Variants in CFAP47 observed in about 807,000 individuals in gnomAD.
The protein encoded by CFAP47 is cilia- and flagella-associated protein 47.
A neutral mutation model predicts 148.1 loss-of-function variants in CFAP47; 29 were observed. The observed-to-expected ratio is 0.20, with a 90% CI of 0.15 to 0.27. The LOEUF is 0.27. Among genes scored for constraint, CFAP47 ranks in the 10% least tolerant of loss-of-function variants. CFAP47 has a pLI of 1.00. For synonymous variants in CFAP47, 664 were observed against 577.3 expected, an observed-to-expected ratio of 1.15 and a Z score of -2.15; for missense variants, 1,872 against 1,697.5, an observed-to-expected ratio of 1.10 and a Z score of -1.81.
At chrX:36,026,017 T>C (rs1351102388) in intron 22 of CFAP47, among the ~76,000 whole-genome samples, 2 of 111,958 alleles carry the variant, frequency 1.8e-5, no homozygotes, top group Non-Finnish European at 3.8e-5. Context: ...AAATATGTAA[T>C]ACTTTATTAG....
chrX:36,261,332 T>TTTTTTTTTTTTTTTTTG, intron 49 of CFAP47, among the ~76,000 whole-genome samples: 1 of 94,552 alleles, frequency 1.1e-5, no homozygotes, highest in Non-Finnish European at 2.1e-5. Flanking sequence ...TTTTTTTTTT[T>TTTTTTTTTTTTTTTTTG]TTTTTTTTTT....
At chrX:36,366,333 T>G (rs782180841) in intron 61 of CFAP47, among the ~76,000 whole-genome samples, 1 of 111,777 alleles carries the variant, frequency 8.9e-6, no homozygotes, top group Non-Finnish European at 1.9e-5. Context: ...TTTGTCATAG[T>G]CAAATGCTTT....
intron 19 of CFAP47, 103 bp downstream of exon 19, chrX:35,997,492 T>G (rs2146689149): frequency 3.9e-6 from 1 of 256,363 alleles, no homozygotes; most frequent in South Asian, 2.5e-4. Context: ...TTTTCCAATG[T>G]ATAATTTTTA....
chrX:36,094,815 T>A (rs1405230087), intron 30 of CFAP47, among the ~76,000 whole-genome samples: 2 of 111,369 alleles, frequency 1.8e-5, no homozygotes, highest in Non-Finnish European at 3.8e-5. Flanking sequence ...ATCATATCAT[T>A]TGCAAACAAG....
At chrX:35,944,566 A>G (rs1381656152) in intron 3 of CFAP47, among the ~76,000 whole-genome samples, 1 of 111,456 alleles carries the variant, frequency 9.0e-6, no homozygotes, top group East Asian at 2.8e-4. Flanking sequence ...GAATTTTAAA[A>G]AATCATAAGA....
At chrX:36,293,480 C>T (rs1310400960) in intron 51 of CFAP47, among the ~76,000 whole-genome samples, 3 of 112,147 alleles carry the variant, frequency 2.7e-5, no homozygotes, top group African/African-American at 9.7e-5. Context: ...CTTGTGATTC[C>T]TTCCTTTTTA....
chrX:36,135,776 C>A (rs1223502384), intron 33 of CFAP47, among the ~76,000 whole-genome samples: 1 of 111,282 alleles, frequency 9.0e-6, no homozygotes, highest in Non-Finnish European at 1.9e-5. Context: ...TAGGTGTGTA[C>A]CACAAAGAGT....
intron 50 of CFAP47, among the ~76,000 whole-genome samples, chrX:36,285,196 A>C (rs1556004305): frequency 9.0e-6 from 1 of 111,398 alleles, no homozygotes; most frequent in Admixed American, 9.6e-5. Flanking sequence ...CTTTCTCCTT[A>C]TACTAGATTC....
chrX:35,942,698 C>G (rs1407032490), intron 3 of CFAP47, among the ~76,000 whole-genome samples: 2 of 111,534 alleles, frequency 1.8e-5, no homozygotes, highest in East Asian at 2.8e-4. Flanking sequence ...GTTCTAAAAT[C>G]TCACCAAATT....
chrX:36,081,536 T>C (rs1236937966), intron 29 of CFAP47, among the ~76,000 whole-genome samples: 2 of 110,587 alleles, frequency 1.8e-5, no homozygotes, highest in Non-Finnish European at 1.9e-5. Flanking sequence ...CAGAGACACA[T>C]TGAAAAAAGA....
chrX:36,031,452 T>C (rs1284492580), intron 23 of CFAP47, 105 bp downstream of exon 23: 1 of 262,138 alleles, frequency 3.8e-6, no homozygotes, highest in Non-Finnish European at 6.7e-6. Flanking sequence ...CTATTCCCTA[T>C]GATTAATTTC....
intron 49 of CFAP47, among the ~76,000 whole-genome samples, chrX:36,267,927 G>A (rs1323970874): frequency 4.4e-5 from 5 of 112,708 alleles, no homozygotes; most frequent in African/African-American, 1.6e-4. Flanking sequence ...TTCCCAGGTA[G>A]CCTATGCTCT....
rs182153005 is a variant in CFAP47 at position 36,179,269 on chromosome X, T to C, written c.6027-76T>C. On this transcript the variant is annotated intron_variant, in intron 39 of 63. Coordinates refer to ENST00000378653, the MANE Select transcript of CFAP47 (RefSeq NM_001304548.2). Reference sequence around the variant, plus strand: ...ATATTTTGTGAATGATAGGAAAAAATAAAAGAAGAATGTTTTGTGGTTATC... The same window carrying C: ...ATATTTTGTGAATGATAGGAAAAAACAAAAGAAGAATGTTTTGTGGTTATC... 324 of 286,312 alleles carry C rather than the reference T, an allele frequency of 1.1e-3. 2 individuals are homozygous for C. Among genetic ancestry groups the C allele is most frequent in the Non-Finnish European group, 1.7e-3 (282 of 163,641 alleles). 23.6% of individuals were successfully genotyped at this position (286,312 alleles called of 1,213,427 possible).
rs782127809 is a variant in CFAP47 at position 36,255,327 on chromosome X, T to TG, written c.7444+3886dup. ...GGGAAACTGTTATGAGCAACACTTG[T>TG]GGGAAAAAAAGGTAAGAAAGTATGT... On this transcript the variant is annotated intron_variant, in intron 49 of 63. Transcript: ENST00000378653. Among the ~76,000 whole-genome samples the TG allele has an allele frequency of 6.3e-5, 7 of 111,969 alleles. No homozygotes were observed. In the South Asian group the frequency reaches 2.6e-3, roughly 41 times the overall value.
Position 36,285,733 on chromosome X carries a change from G to A in CFAP47, c.7686+7G>A. On this transcript the variant is annotated splice_region_variant and intron_variant, in intron 51 of 63. Transcript: ENST00000378653. ...AATGACATGTATTGCTCTGGTAAGT[G>A]CCCATTGCATGTTCATAGACTCTGT... 1 of 1,140,583 alleles carries A rather than the reference G, an allele frequency of 8.8e-7. No individual in the cohort carries two copies. The highest frequency in any genetic ancestry group is 2.7e-5 in the Admixed American group (1 of 36,919). 94.0% of individuals were successfully genotyped at this position (1,140,583 alleles called of 1,213,427 possible). A position where few individuals can be genotyped will look rare whatever the true frequency, so the allele number is the denominator to read the frequency against.
chrX:36,372,391 G>C (rs1320353742), intron 62 of CFAP47, among the ~76,000 whole-genome samples: 1 of 111,555 alleles, frequency 9.0e-6, no homozygotes, highest in Non-Finnish European at 1.9e-5. Flanking sequence ...GTGCATATAT[G>C]CATATATTCA....
chrX:36,081,429 T>A (rs73470923), intron 29 of CFAP47, among the ~76,000 whole-genome samples: 2,897 of 111,276 alleles, frequency 0.026, 92 homozygotes, highest in African/African-American at 0.09. Flanking sequence ...GAAGAGCTGT[T>A]AACAATTATA....
intron 57 of CFAP47, among the ~76,000 whole-genome samples, chrX:36,333,478 C>T (rs782493190): frequency 3.6e-5 from 4 of 110,997 alleles, no homozygotes; most frequent in African/African-American, 6.5e-5. Context: ...CCTTCTTCTA[C>T]GTTTCTGCTT....
At chrX:36,060,078 A>G (rs998775041) in intron 26 of CFAP47, among the ~76,000 whole-genome samples, 6 of 111,328 alleles carry the variant, frequency 5.4e-5, no homozygotes, top group African/African-American at 2.0e-4. Flanking sequence ...TACTGTTTCC[A>G]TGCTTTTTGT....
Sources: gnomAD v4.1 joint callset for allele counts (sites outside exome capture counted in the v4.1 genomes callset) on GRCh38, gnomAD v4.1.1 for gene constraint, MANE v1.5 for transcripts, NCBI Gene and HGNC (gene_info 2026-07-23, HGNC 2026-07-21) for gene names.